The following ANO3 variants were observed in gnomAD, a reference collection of about 807,000 sequenced individuals.
ANO3 encodes anoctamin-3.
A neutral mutation model predicts 144.8 loss-of-function variants in ANO3; 99 were observed. The ratio of observed to expected loss-of-function variants is 0.68; its 90% CI spans 0.58 to 0.81. ANO3 has a LOEUF of 0.81. Among genes scored for constraint, ANO3 ranks in the 30% least tolerant of loss-of-function variants. The pLI is 0.00. For missense variants in ANO3, 905 were observed against 1,202.2 expected, an observed-to-expected ratio of 0.75 and a Z score of 3.66; for synonymous variants, 414 against 392.6, an observed-to-expected ratio of 1.05 and a Z score of -0.64.
At chr11:26,443,608 C>T (rs867978614) in intron 2 of ANO3, among the ~76,000 whole-genome samples, 157 bp from the exon 3 acceptor site, 12 of 152,026 alleles carry the variant, frequency 7.9e-5, no homozygotes, top group African/African-American at 1.4e-4. Flanking sequence ...TCTTAAAAAA[C>T]GGAAAAAACA....
intron 17 of ANO3, among the ~76,000 whole-genome samples, chr11:26,614,057 C>A (rs1469842087): frequency 6.6e-6 from 1 of 152,188 alleles, no homozygotes; most frequent in Non-Finnish European, 1.5e-5. Context: ...GCACTTGGGC[C>A]AGGCAGGCTG....
At chr11:26,341,054 T>C (rs1855344756) in intron 1 of ANO3, among the ~76,000 whole-genome samples, 1 of 152,074 alleles carries the variant, frequency 6.6e-6, no homozygotes, top group African/African-American at 2.4e-5. Context: ...CTCTTCTCTT[T>C]TCTTTTCTTT....
At chr11:26,390,657 G>C (rs1323456214) in intron 1 of ANO3, among the ~76,000 whole-genome samples, 1 of 152,058 alleles carries the variant, frequency 6.6e-6, no homozygotes, top group Non-Finnish European at 1.5e-5. Context: ...CAGCTACATA[G>C]TTTAAATAGA....
intron 4 of ANO3, among the ~76,000 whole-genome samples, chr11:26,498,321 T>C (rs1861048999): frequency 6.6e-6 from 1 of 151,782 alleles, no homozygotes; most frequent in African/African-American, 2.4e-5. Flanking sequence ...ATTCACAGAG[T>C]GTTCAACTCA....
intron 1 of ANO3, among the ~76,000 whole-genome samples, chr11:26,216,459 C>T (rs899915112): frequency 4.6e-5 from 7 of 151,946 alleles, no homozygotes; most frequent in Admixed American, 1.3e-4. Flanking sequence ...TAGCTCATTA[C>T]ATTTTATTGT....
chr11:26,345,002 T>C (rs368068523), intron 1 of ANO3, among the ~76,000 whole-genome samples: 1 of 152,182 alleles, frequency 6.6e-6, no homozygotes, highest in East Asian at 1.9e-4. Context: ...AAACAATGAA[T>C]ACATAGACAA....
intron 1 of ANO3, among the ~76,000 whole-genome samples, chr11:26,236,732 G>T (rs1852535639): frequency 1.3e-5 from 2 of 150,620 alleles, no homozygotes; most frequent in South Asian, 2.1e-4. Flanking sequence ...GCAGGAGAAT[G>T]GCGTGAACCT....
chr11:26,306,002 A>G (rs1290685417), upstream of ANO3, among the ~76,000 whole-genome samples: 2 of 152,102 alleles, frequency 1.3e-5, no homozygotes, highest in African/African-American at 4.8e-5. Context: ...GCTGTCGCCC[A>G]GGCTGGAGTG....
intron 5 of ANO3, among the ~76,000 whole-genome samples, chr11:26,512,447 T>C (rs1211801577): frequency 6.6e-6 from 1 of 152,178 alleles, no homozygotes; most frequent in African/African-American, 2.4e-5. Flanking sequence ...TCTTTCTCCC[T>C]GACAGCATCA....
intron 3 of ANO3, among the ~76,000 whole-genome samples, chr11:26,445,041 A>C (rs1590364743): frequency 6.6e-6 from 1 of 152,144 alleles, no homozygotes; most frequent in African/African-American, 2.4e-5. Context: ...TTGAGACCAG[A>C]AGTATTTCAG....
chr11:26,298,014 A>G (rs1854132915), intron 1 of ANO3, among the ~76,000 whole-genome samples: 2 of 152,184 alleles, frequency 1.3e-5, no homozygotes, highest in South Asian at 2.1e-4. Context: ...TAGTATCTCA[A>G]TCCTTGAACA....
At chr11:26,209,755 T>G (rs1851893105) in intron 1 of ANO3, among the ~76,000 whole-genome samples, 1 of 152,248 alleles carries the variant, frequency 6.6e-6, no homozygotes, top group Non-Finnish European at 1.5e-5. Flanking sequence ...TGATGAGCTT[T>G]TTTTCGTGTT....
rs373239064 is a variant in ANO3, at chr11:26,371,007, G to A, written c.46+38686G>A. Among the ~76,000 whole-genome samples, 23 of 152,148 alleles carry A rather than the reference G, an allele frequency of 1.5e-4. 1 individual carries two copies. The highest frequency in any genetic ancestry group is 1.0e-3 in the Admixed American group (16 of 15,270). On this transcript the variant is annotated intron_variant, in intron 1 of 26. Coordinates refer to ENST00000256737, the MANE Select transcript of ANO3 (RefSeq NM_031418.4). The stretch of plus-strand genomic sequence containing the variant: ...CAATTTGTGTAAGTAATGAGGAGTC[G>A]AATGTGAATCACCAAGACAATGGGG...
In ANO3 at chr11:26,544,271, T is replaced by TACACACACAC. The variant is rs1269843589; in HGVS notation, c.1154+2204_1154+2205insCACACACACA. On this transcript the variant is annotated intron_variant, in intron 11 of 26. Transcript: ENST00000256737. Reference sequence around the variant, plus strand: ...TTATACATATATATATATATATATATATACACACATACACACACACACACA... The same window carrying TACACACACAC: ...TTATACATATATATATATATATATATACACACACACATACACACATACACACACACACACA... 1.1e-3 allele frequency among the ~76,000 whole-genome samples: 84 copies of TACACACACAC among 74,704 alleles called. 1 individual carries two copies. Among genetic ancestry groups the TACACACACAC allele is most frequent in the Non-Finnish European group, 1.9e-3 (70 of 36,910 alleles). The allele number at this position is 74,704 out of a possible 152,430, so 49.0% of individuals were successfully genotyped here.
At chr11:26,578,092 T>C (rs1462996604) in intron 14 of ANO3, among the ~76,000 whole-genome samples, 1 of 152,210 alleles carries the variant, frequency 6.6e-6, no homozygotes, top group Non-Finnish European at 1.5e-5. Context: ...ATCAAAGAAC[T>C]GAGAAGCCAG....
intron 1 of ANO3, among the ~76,000 whole-genome samples, chr11:26,333,284 CTTT>C (rs34291798): frequency 1.0e-4 from 14 of 134,390 alleles, no homozygotes; most frequent in Non-Finnish European, 9.8e-5. Flanking sequence ...AGCTCTTTGA[CTTT>C]TTTTTTTTTT....
At chr11:26,455,977 G>C (rs1357218024) in intron 3 of ANO3, among the ~76,000 whole-genome samples, 1 of 151,494 alleles carries the variant, frequency 6.6e-6, no homozygotes, top group Admixed American at 6.6e-5. Flanking sequence ...ATGGGGAAAG[G>C]ATTCCCTATT....
chr11:26,228,513 T>A (rs1852304737), intron 1 of ANO3, among the ~76,000 whole-genome samples: 1 of 152,180 alleles, frequency 6.6e-6, no homozygotes, highest in African/African-American at 2.4e-5. Context: ...GAGACACAGA[T>A]CAGTGTAGGA....
intron 1 of ANO3, among the ~76,000 whole-genome samples, chr11:26,379,504 G>A (rs1856523199): frequency 6.6e-6 from 1 of 152,080 alleles, no homozygotes; most frequent in Non-Finnish European, 1.5e-5. Flanking sequence ...GTGAAAGGCT[G>A]GGCACAGTGG....
Sources: gnomAD v4.1 joint callset for allele counts (sites outside exome capture counted in the v4.1 genomes callset) on GRCh38, gnomAD v4.1.1 for gene constraint, MANE v1.5 for transcripts, NCBI Gene and HGNC (gene_info 2026-07-23, HGNC 2026-07-21) for gene names.